Variants in HDLBP observed in about 807,000 individuals in gnomAD.
HDLBP encodes high density lipoprotein binding protein, also known as vigilin.
A neutral mutation model predicts 137.3 loss-of-function variants in HDLBP; 30 were observed. That is an observed-to-expected ratio of 0.22 (90% confidence interval 0.16 to 0.30). HDLBP has a LOEUF of 0.30. Ranked by LOEUF, HDLBP falls within the 10% of genes least tolerant of loss-of-function variation. The probability of loss-of-function intolerance (pLI) is 1.00; values close to 1 mark genes in which losing one functional copy is unlikely to be tolerated. For synonymous variants in HDLBP, 606 were observed against 596.0 expected (o/e 1.02, Z -0.24); for missense variants, 1,119 against 1,667.3 (o/e 0.67, Z 5.73).
chr2:241,266,218 T>C (rs551105603), intron 3 of HDLBP, among the ~76,000 whole-genome samples: 3 of 152,302 alleles, frequency 2.0e-5, no homozygotes, highest in African/African-American at 7.2e-5. Context: ...ATATCAATGG[T>C]TCCCCCCCTT....
At chr2:241,232,692 T>C (rs556432200) in intron 24 of HDLBP, among the ~76,000 whole-genome samples, 1 of 152,172 alleles carries the variant, frequency 6.6e-6, no homozygotes, top group African/African-American at 2.4e-5. Context: ...CTCACAGCTG[T>C]AGTCCCAGCT....
In HDLBP at chr2:241,229,503, A is replaced by G. The variant is rs967007685; in HGVS notation, c.*98T>C. On this transcript the variant is annotated 3_prime_UTR_variant, in exon 28 of 28. Coordinates refer to ENST00000310931, the MANE Select transcript of HDLBP (RefSeq NM_005336.6). ...TCGGGAAGGGGGAAGAGCGTCAACA[A>G]TTTACGGAGGGTCCAGCCGCTGGGT... 5 of 887,394 alleles carry G rather than the reference A, an allele frequency of 5.6e-6. No individual in the cohort carries two copies. Among genetic ancestry groups the G allele is most frequent in the East Asian group, 2.6e-5 (1 of 38,564 alleles). The allele number at this position is 887,394 out of a possible 1,614,324, so 55.0% of individuals were successfully genotyped here.
chr2:241,252,177 C>T (rs144517578), intron 11 of HDLBP, among the ~76,000 whole-genome samples: 2,041 of 152,182 alleles, frequency 0.013, 50 homozygotes, highest in African/African-American at 0.047. Flanking sequence ...AGGCATATAG[C>T]GACCTTGGCT....
At chr2:241,268,067 A>G (rs1350480173) in intron 2 of HDLBP, 2 of 631,736 alleles carry the variant, frequency 3.2e-6, no homozygotes, top group Non-Finnish European at 3.9e-6. Context: ...TCTTTACACA[A>G]TTACGCATCA....
At chr2:241,265,894 A>G (rs998438420) in intron 3 of HDLBP, among the ~76,000 whole-genome samples, 2 of 152,208 alleles carry the variant, frequency 1.3e-5, no homozygotes, top group Non-Finnish European at 1.5e-5. Context: ...CCCCCAGAAC[A>G]AAGCAGCTTC....
chr2:241,239,200 G>A lies in HDLBP; in HGVS notation c.2610+402C>T, dbSNP rs547292525. ...ACCACGTCTTCTCATGACTTCCCATGGATTCACGTGGATGCCCTCAAATCG... is the reference window on the plus strand; with the variant it reads ...ACCACGTCTTCTCATGACTTCCCATAGATTCACGTGGATGCCCTCAAATCG... On this transcript the variant is annotated intron_variant, in intron 19 of 27. Coordinates refer to ENST00000310931, the MANE Select transcript of HDLBP (RefSeq NM_005336.6). This position sits in a 1 kb window ranked among gnomAD's most constrained non-coding sequence, Gnocchi z 4.6. Among the ~76,000 whole-genome samples the A allele has an allele frequency of 6.6e-6, 1 of 152,298 alleles. No individual in the cohort carries two copies. The highest frequency in any genetic ancestry group is 6.5e-5 in the Admixed American group (1 of 15,306).
chr2:241,314,657 A>G (rs986745970), intron 1 of HDLBP, among the ~76,000 whole-genome samples: 1 of 152,222 alleles, frequency 6.6e-6, no homozygotes, highest in African/African-American at 2.4e-5. Context: ...CATGGCGTCC[A>G]AACACCATGT....
intron 1 of HDLBP, among the ~76,000 whole-genome samples, chr2:241,298,543 T>C (rs1024796758): frequency 1.3e-5 from 2 of 152,156 alleles, no homozygotes; most frequent in South Asian, 2.1e-4. Context: ...AATAAGCAAA[T>C]TGAACTCTGA....
chr2:241,234,098 ATC>A lies in HDLBP; in HGVS notation c.3145-137_3145-136del, dbSNP rs2070114423. 5.1e-6 allele frequency: 5 copies of A among 978,526 alleles called. No homozygotes were observed. The Admixed American group carries it at 1.1e-4, about 22-fold the overall frequency. 60.6% of individuals were successfully genotyped at this position (978,526 alleles called of 1,614,324 possible). A position where few individuals can be genotyped will look rare whatever the true frequency, so the allele number is the denominator to read the frequency against. ...AACCCGTGGTCCGGAATGGTCCGCC[ATC>A]TCTCTGGTCCGACCTCTGCCACCTT... On this transcript the variant is annotated intron_variant, in intron 23 of 27. Coordinates refer to ENST00000310931, the MANE Select transcript of HDLBP (RefSeq NM_005336.6).
rs764070872 is a variant in HDLBP, at chr2:241,238,726, G to A, written c.2672C>T (p.Pro891Leu). 1.9e-6 allele frequency: 3 copies of A among 1,589,466 alleles called. No homozygotes were observed. Among genetic ancestry groups the A allele is most frequent in the East Asian group, 2.3e-5 (1 of 44,110 alleles). ...AATCTGCTGGATTCTGGAACCTTTG[G>A]GGCCCATGACAGATCGATGGAATTT... ...PQKFHRSVMG[P>L]KGSRIQQITR... Residue 891 changes from proline (P) to leucine (L), a missense_variant, in exon 20 of 28, where the codon CCC (proline) becomes CTC (leucine). Pro to Leu is a moderately conservative substitution (Grantham distance 98). Transcript: ENST00000310931. This position sits in a 1 kb window ranked among gnomAD's most constrained non-coding sequence, Gnocchi z 4.9.
chr2:241,259,588 A>T (rs977041026), intron 5 of HDLBP, among the ~76,000 whole-genome samples: 4 of 152,184 alleles, frequency 2.6e-5, no homozygotes, highest in Admixed American at 1.3e-4. Context: ...TCCCAGGCTC[A>T]AACAATCCTT....
chr2:241,286,508 T>A (rs2074814717), intron 1 of HDLBP, among the ~76,000 whole-genome samples: 1 of 152,010 alleles, frequency 6.6e-6, no homozygotes, highest in African/African-American at 2.4e-5. Context: ...CCACTTGGAG[T>A]CTTCCTGCCT....
At chr2:241,296,327 C>T (rs538100955) in intron 1 of HDLBP, among the ~76,000 whole-genome samples, 23 of 152,256 alleles carry the variant, frequency 1.5e-4, no homozygotes, top group African/African-American at 5.5e-4. Context: ...TTGATCCCTA[C>T]CTCACAACAT....
chr2:241,231,595 T>G (rs188232064), intron 24 of HDLBP, among the ~76,000 whole-genome samples: 41 of 152,232 alleles, frequency 2.7e-4, no homozygotes, highest in African/African-American at 7.2e-4. Context: ...GCTTCCTGCT[T>G]CTTTGCCCAC....
At chr2:241,290,138 G>A (rs1347340890) in intron 1 of HDLBP, among the ~76,000 whole-genome samples, 1 of 152,198 alleles carries the variant, frequency 6.6e-6, no homozygotes, top group Non-Finnish European at 1.5e-5. Context: ...GCCAGCAGGT[G>A]CAGGGTATGC....
chr2:241,288,828 G>A (rs1349217398), intron 1 of HDLBP, among the ~76,000 whole-genome samples: 1 of 152,170 alleles, frequency 6.6e-6, no homozygotes, highest in African/African-American at 2.4e-5. Flanking sequence ...CAGAATGGCT[G>A]TAGGAAGGGC....
chr2:241,271,655 A>G (rs1315970466), intron 1 of HDLBP, among the ~76,000 whole-genome samples: 1 of 152,242 alleles, frequency 6.6e-6, no homozygotes, highest in Admixed American at 6.5e-5. Flanking sequence ...TACTCCAGGA[A>G]GAATTTCATT....
chr2:241,267,694 G>T, intron 2 of HDLBP: 1 of 1,535,404 alleles, frequency 6.5e-7, no homozygotes, highest in South Asian at 1.2e-5. Flanking sequence ...TTAACCAGGT[G>T]GTTATAAGTG....
rs114643817 is a variant in HDLBP, at chr2:241,257,777, A to G, written c.451-971T>C. Among the ~76,000 whole-genome samples, 989 of 152,360 alleles carry G rather than the reference A, an allele frequency of 6.5e-3. 7 individuals carry two copies. Among genetic ancestry groups the G allele is most frequent in the Non-Finnish European group, 9.1e-3 (617 of 68,036 alleles). ...AAAAATGAACAAGAAAACCCTGAAA[A>G]AGAATAGTGCAGGGTGGAGGTGTTA... On this transcript the variant is annotated intron_variant, in intron 5 of 27. Coordinates refer to ENST00000310931, the MANE Select transcript of HDLBP (RefSeq NM_005336.6).
Sources: gnomAD v4.1 joint callset for allele counts (sites outside exome capture counted in the v4.1 genomes callset) on GRCh38, gnomAD v4.1.1 for gene constraint, Gnocchi (gnomAD v3.1) non-coding constraint, MANE v1.5 for transcripts, NCBI Gene and HGNC (gene_info 2026-07-23, HGNC 2026-07-21) for gene names.